Variants in SLC5A9 observed in about 807,000 individuals in gnomAD.
SLC5A9 encodes sodium/glucose cotransporter 4.
In SLC5A9, 59 loss-of-function variants were observed where a neutral mutation model predicts 70.9. That is an observed-to-expected ratio of 0.83 (90% CI 0.68 to 1.03). The LOEUF is 1.03. SLC5A9 is among the 50% of genes least tolerant of loss of function. SLC5A9 has a pLI of 0.00. For missense variants in SLC5A9, 832 were observed against 881.1 expected, an observed-to-expected ratio of 0.94 and a Z score of 0.71; for synonymous variants, 340 against 346.5, an observed-to-expected ratio of 0.98 and a Z score of 0.21.
At position 48,244,878 on chromosome 1, in the gene SLC5A9, G is replaced by GTGTGTATATATATATATATATATATATA. The variant is rs1391896495; in HGVS notation, c.1837+2263_1837+2264insGTGTATATATATATATATATATATATAT. Among the ~76,000 whole-genome samples, 12 of 29,402 alleles carry GTGTGTATATATATATATATATATATATA rather than the reference G, an allele frequency of 4.1e-4. 3 individuals carry two copies. Among genetic ancestry groups the GTGTGTATATATATATATATATATATATA allele is most frequent in the Non-Finnish European group, 6.9e-4 (9 of 13,032 alleles). The allele number at this position is 29,402 out of a possible 152,430, so 19.3% of individuals were successfully genotyped here. ...TGTGTGTGTGTATGTATGTGTATGTGTATATATATATATATATATATATAT... is the reference window on the plus strand; with the variant it reads ...TGTGTGTGTGTATGTATGTGTATGTGTGTGTATATATATATATATATATATATATATATATATATATATATATATATAT... On this transcript the variant is annotated intron_variant, in intron 13 of 13. Coordinates refer to ENST00000438567, the MANE Select transcript of SLC5A9 (RefSeq NM_001011547.3).
intron 8 of SLC5A9, among the ~76,000 whole-genome samples, 164 bp downstream of exon 8, chr1:48,232,666 A>C (rs1269117531): frequency 1.3e-5 from 2 of 152,092 alleles, no homozygotes; most frequent in African/African-American, 4.8e-5. Flanking sequence ...CCATAGACCC[A>C]GCTACTTGGA....
chr1:48,225,057 T>A (rs1453915387), intron 2 of SLC5A9, among the ~76,000 whole-genome samples: 3 of 150,560 alleles, frequency 2.0e-5, no homozygotes, highest in African/African-American at 7.3e-5. Context: ...CAGTGATGAA[T>A]CTGGAATGTC....
chr1:48,237,953 C>A (rs2148582563), intron 11 of SLC5A9, 106 bp downstream of exon 11: 1 of 1,214,432 alleles, frequency 8.2e-7, no homozygotes, highest in Non-Finnish European at 1.1e-6. Context: ...CCCCTCTAGG[C>A]TTCCATTTTC....
At position 48,239,368 on chromosome 1, in the gene SLC5A9, G is replaced by C; in HGVS notation, c.1508G>C (p.Arg503Pro). ...LVFGLGVGLLRMILEFSYPAP... is the reference protein window; with the variant it reads ...LVFGLGVGLLPMILEFSYPAP... ...TTTGGCCTGGGAGTGGGGCTTCTGC[G>C]TATGATCCTGGAGTTCTCATACCCA... The change falls in exon 12 of 14, where the codon CGT (arginine) becomes CCT (proline). Residue 503 changes from arginine (R) to proline (P), a missense_variant. Physicochemically the swap from Arg to Pro is moderately radical, Grantham distance 103 (BLOSUM62 -2). Transcript: ENST00000438567. The surrounding 1 kb of genome is among the most constrained non-coding windows in gnomAD (Gnocchi z 4.2). 6.2e-7 allele frequency: 1 copy of C among 1,614,084 alleles called. No individual in the cohort carries two copies. The highest frequency in any genetic ancestry group is 8.5e-7 in the Non-Finnish European group (1 of 1,179,966).
intron 13 of SLC5A9, among the ~76,000 whole-genome samples, chr1:48,244,817 A>T (rs1644435406): frequency 3.2e-5 from 4 of 123,778 alleles, no homozygotes; most frequent in Non-Finnish European, 6.4e-5. Context: ...TATAAATTAT[A>T]TTTATATTAT....
Position 48,248,200 on chromosome 1 carries a change from C to T in SLC5A9, c.*657C>T, listed in dbSNP as rs1644480508. 1 of 153,036 alleles carries T rather than the reference C, an allele frequency of 6.5e-6. No individual in the cohort carries two copies. Among genetic ancestry groups the T allele is most frequent in the Non-Finnish European group, 1.5e-5 (1 of 68,686 alleles). 9.5% of individuals were successfully genotyped at this position (153,036 alleles called of 1,614,324 possible). A position where few individuals can be genotyped will look rare whatever the true frequency, so the allele number is the denominator to read the frequency against. Reference sequence around the variant, plus strand: ...TATCCAAAGCACTATTTAAATTCTGCCTCTTCCTACTCTCTAACCCAAATA... The same window carrying T: ...TATCCAAAGCACTATTTAAATTCTGTCTCTTCCTACTCTCTAACCCAAATA... On this transcript the variant is annotated 3_prime_UTR_variant, in exon 14 of 14. Transcript: ENST00000438567.
In SLC5A9 at chr1:48,247,715, C is replaced by G. The variant is rs1569878841; in HGVS notation, c.*172C>G. 1.5e-6 allele frequency: 1 copy of G among 664,736 alleles called. No individual in the cohort carries two copies. The highest frequency in any genetic ancestry group is 2.7e-5 in the East Asian group (1 of 36,614). 41.2% of individuals were successfully genotyped at this position (664,736 alleles called of 1,614,324 possible). On this transcript the variant is annotated 3_prime_UTR_variant, in exon 14 of 14. Transcript: ENST00000438567. ...CCTGCACACTTGACAAGTGGAGAAA[C>G]AGAAGCCCAGAGAGAGCACTGGGTT...
At position 48,228,879 on chromosome 1, in the gene SLC5A9, G is replaced by A. The variant is rs142753383; in HGVS notation, c.264G>A (p.Val88=). The change falls in exon 3 of 14, where the codon GTG becomes GTA. Residue 88 remains valine (V), a synonymous_variant. Coordinates refer to ENST00000438567, the MANE Select transcript of SLC5A9 (RefSeq NM_001011547.3). Reference sequence around the variant, plus strand: ...GAGCATCTCTGATGTCCAGCAATGTGGGCAGTGGCTTGTTCATCGGCCTGG... The same window carrying A: ...GAGCATCTCTGATGTCCAGCAATGTAGGCAGTGGCTTGTTCATCGGCCTGG... The part of the protein sequence containing the change: ...PIGASLMSSN[V]GSGLFIGLAG... The A allele has an allele frequency of 3.1e-6, 5 of 1,613,838 alleles. No homozygotes were observed. The highest frequency in any genetic ancestry group is 2.5e-6 in the Non-Finnish European group (3 of 1,179,960).
rs1644462742 is a variant in SLC5A9, at chr1:48,246,593, T to A, written c.1838-742T>A. On this transcript the variant is annotated intron_variant, in intron 13 of 13. Transcript: ENST00000438567. ...GTTTTTAGTGAATTGTGCTACCTTT[T>A]AACCTCAGAGCAGGCCCCTTTCTCA... Among the ~76,000 whole-genome samples, 3 of 152,218 alleles carry A rather than the reference T, an allele frequency of 2.0e-5. No homozygotes were observed. In the South Asian group the frequency reaches 6.2e-4, roughly 31 times the overall value.
At chr1:48,235,341 C>T (rs774207648) in intron 9 of SLC5A9, among the ~76,000 whole-genome samples, 3 of 152,186 alleles carry the variant, frequency 2.0e-5, no homozygotes, top group Non-Finnish European at 2.9e-5. Context: ...TTTCTCTTCT[C>T]CCCAGCAGCA....
At chr1:48,242,724 C>T in intron 13 of SLC5A9, 108 bp downstream of exon 13, 1 of 1,058,790 alleles carries the variant, frequency 9.4e-7, no homozygotes, top group South Asian at 1.9e-5. Flanking sequence ...CAATAAATAT[C>T]ACCCTAACTC....
chr1:48,233,479 T>C (rs903869872), intron 8 of SLC5A9, among the ~76,000 whole-genome samples, 176 bp from the exon 9 acceptor site: 1 of 151,402 alleles, frequency 6.6e-6, no homozygotes, highest in African/African-American at 2.4e-5. Flanking sequence ...AGGTAATAAG[T>C]ATACGGACGA....
chr1:48,237,093 T>C (rs1354369910), intron 10 of SLC5A9, among the ~76,000 whole-genome samples: 1 of 152,140 alleles, frequency 6.6e-6, no homozygotes, highest in Non-Finnish European at 1.5e-5. Flanking sequence ...GAAAAGTTTT[T>C]CATCAACAAC....
chr1:48,242,565 G>T lies in SLC5A9; in HGVS notation c.1786G>T (p.Ala596Ser). ...ISERPAGECP[A>S]GGGAAENSSL... The stretch of plus-strand genomic sequence containing the variant: ...CGAGAGGCCAGCCGGGGAGTGCCCT[G>T]CAGGAGGTGGAGCGGCAGAGAACTC... Residue 596 changes from alanine to serine, a missense_variant, in exon 13 of 14, where the codon GCA (alanine) becomes TCA (serine). Physicochemically the swap from Ala to Ser is moderately conservative, Grantham distance 99. Coordinates refer to ENST00000438567, the MANE Select transcript of SLC5A9 (RefSeq NM_001011547.3). The T allele has an allele frequency of 2.5e-6, 4 of 1,613,438 alleles. No homozygotes were observed. The highest frequency in any genetic ancestry group is 3.4e-6 in the Non-Finnish European group (4 of 1,179,686).
chr1:48,231,681 GTC>G, intron 6 of SLC5A9, 56 bp downstream of exon 6: 1 of 1,596,612 alleles, frequency 6.3e-7, no homozygotes, highest in Non-Finnish European at 8.5e-7. Context: ...TCTCTGTCCT[GTC>G]TCTGCCACCT....
At position 48,222,893 on chromosome 1, in the gene SLC5A9, A is replaced by C; in HGVS notation, c.157A>C (p.Ile53Leu). ...CTTTGTCTTCGTCATTGCTGTGGGG[A>C]TCTGGGTAAGTGGGCCCTGAGGCTG... ...IYFVFVIAVG[I>L]WSSIRASRGT... Residue 53 changes from isoleucine to leucine, a missense_variant, in exon 1 of 14, where the codon ATC (isoleucine) becomes CTC (leucine). Coordinates refer to ENST00000438567, the MANE Select transcript of SLC5A9 (RefSeq NM_001011547.3). The C allele has an allele frequency of 6.2e-7, 1 of 1,613,782 alleles. No homozygotes were observed. Among genetic ancestry groups the C allele is most frequent in the Non-Finnish European group, 8.5e-7 (1 of 1,179,920 alleles).
intron 6 of SLC5A9, 35 bp downstream of exon 6, chr1:48,231,660 T>C (rs1644249682): frequency 6.2e-7 from 1 of 1,610,996 alleles, no homozygotes; most frequent in Admixed American, 1.7e-5. Context: ...CCACTGTCAT[T>C]CTTAAATTCC....
At position 48,235,763 on chromosome 1, in the gene SLC5A9, C is replaced by A; in HGVS notation, c.1176C>A (p.Ala392=). ...LRGLMIAVIM[A]ALMSSLTSIF... ...GGCTGATGATTGCCGTGATCATGGCCGCTCTCATGAGCTCACTCACCTCCA... is the reference window on the plus strand; with the variant it reads ...GGCTGATGATTGCCGTGATCATGGCAGCTCTCATGAGCTCACTCACCTCCA... The change falls in exon 10 of 14, where the codon GCC becomes GCA. Residue 392 remains alanine (A), a synonymous_variant. Transcript: ENST00000438567. 6.2e-7 allele frequency: 1 copy of A among 1,614,208 alleles called. No homozygotes were observed. The highest frequency in any genetic ancestry group is 8.5e-7 in the Non-Finnish European group (1 of 1,180,036).
intron 6 of SLC5A9, 26 bp downstream of exon 6, chr1:48,231,651 C>T (rs756616323): frequency 1.9e-6 from 3 of 1,612,756 alleles, no homozygotes; most frequent in Non-Finnish European, 2.5e-6. Flanking sequence ...AAATATACCC[C>T]ACTGTCATTC....
Sources: gnomAD v4.1 joint callset for allele counts (sites outside exome capture counted in the v4.1 genomes callset) on GRCh38, gnomAD v4.1.1 for gene constraint, Gnocchi (gnomAD v3.1) non-coding constraint, MANE v1.5 for transcripts, NCBI Gene and HGNC (gene_info 2026-07-23, HGNC 2026-07-21) for gene names.